FYB1: variants seen among roughly 807,000 people sequenced by gnomAD.
FYB1 encodes FYN-binding protein 1.
In FYB1, 41 loss-of-function variants were observed where a neutral mutation model predicts 94.1. The observed-to-expected ratio is 0.44, with a 90% CI of 0.34 to 0.57. The LOEUF is 0.57. FYB1 is among the 20% of genes least tolerant of loss of function. FYB1 has a pLI of 0.02. For synonymous variants in FYB1, 367 were observed against 353.2 expected (o/e 1.04, Z -0.44); for missense variants, 1,050 against 976.8 (o/e 1.07, Z -1.00).
intron 2 of FYB1, among the ~76,000 whole-genome samples, chr5:39,154,838 C>A (rs6882511): frequency 6.6e-5 from 10 of 152,060 alleles, no homozygotes; most frequent in East Asian, 1.9e-4. Context: ...GTAATCCACC[C>A]GCCTTGTCCT....
intron 2 of FYB1, among the ~76,000 whole-genome samples, chr5:39,195,850 A>G (rs899082382): frequency 6.6e-6 from 1 of 152,224 alleles, no homozygotes; most frequent in Non-Finnish European, 1.5e-5. Flanking sequence ...CAGGACCCAA[A>G]AGGAAGCAAA....
chr5:39,183,147 C>T (rs1430956230), intron 2 of FYB1, among the ~76,000 whole-genome samples: 2 of 151,906 alleles, frequency 1.3e-5, no homozygotes, highest in Non-Finnish European at 2.9e-5. Context: ...CTCAGCCTCC[C>T]GAGTAGTTTT....
intron 2 of FYB1, among the ~76,000 whole-genome samples, chr5:39,187,943 G>T (rs1051082833): frequency 1.3e-5 from 2 of 152,052 alleles, no homozygotes; most frequent in Admixed American, 6.6e-5. Context: ...ACAAAGACAT[G>T]AAAATGAAAG....
At chr5:39,150,111 C>T (rs1743108263) in intron 3 of FYB1, among the ~76,000 whole-genome samples, 1 of 152,066 alleles carries the variant, frequency 6.6e-6, no homozygotes, top group Non-Finnish European at 1.5e-5. Context: ...GACTAAATTC[C>T]CGCACTGGGC....
intron 2 of FYB1, among the ~76,000 whole-genome samples, chr5:39,191,475 TG>T (rs900111410): frequency 4.6e-5 from 7 of 152,224 alleles, no homozygotes. Flanking sequence ...GTATGGTTTT[TG>T]GTTTCGATTT....
rs375898126 is a variant in FYB1 at position 39,110,397 on chromosome 5, G to C, written c.2402-8C>G. The C allele has an allele frequency of 6.3e-6, 10 of 1,577,400 alleles. No homozygotes were observed. Among genetic ancestry groups the C allele is most frequent in the Non-Finnish European group, 7.8e-6 (9 of 1,155,812 alleles). ...TCCGAAGGACATAACCATCTACGAA[G>C]GAAAAAGGAAATAAATTGTATCAAT... is the stretch of plus-strand genomic sequence containing the variant. On this transcript the variant is annotated splice_polypyrimidine_tract_variant and splice_region_variant and intron_variant, in intron 16 of 18. Transcript: ENST00000512982.
chr5:39,147,782 G>A (rs796634966), intron 3 of FYB1, among the ~76,000 whole-genome samples: 6 of 144,710 alleles, frequency 4.1e-5, no homozygotes, highest in African/African-American at 1.3e-4. Flanking sequence ...CCAGGTTCAC[G>A]CCATTCTCCT....
At chr5:39,126,436 C>T (rs576191433) in intron 11 of FYB1, among the ~76,000 whole-genome samples, 2 of 152,086 alleles carry the variant, frequency 1.3e-5, no homozygotes, top group South Asian at 2.1e-4. Flanking sequence ...TGGCTCACCC[C>T]TGTGATCCTG....
chr5:39,114,340 C>T (rs748531137), intron 16 of FYB1, among the ~76,000 whole-genome samples: 1 of 152,120 alleles, frequency 6.6e-6, no homozygotes, highest in Non-Finnish European at 1.5e-5. Context: ...AACGCCTACA[C>T]AGTAGGAACT....
intron 1 of FYB1, among the ~76,000 whole-genome samples, chr5:39,239,378 G>T (rs1751107589): frequency 6.6e-6 from 1 of 152,152 alleles, no homozygotes; most frequent in Non-Finnish European, 1.5e-5. Flanking sequence ...AACTATCTCT[G>T]TTTGCAGATG....
chr5:39,159,649 A>G (rs1188103105), intron 2 of FYB1, among the ~76,000 whole-genome samples: 1 of 152,286 alleles, frequency 6.6e-6, no homozygotes, highest in Non-Finnish European at 1.5e-5. Flanking sequence ...CTTGCCCTGC[A>G]TTCTAACTGA....
intron 2 of FYB1, 131 bp from the exon 3 acceptor site, chr5:39,153,735 A>G (rs1242908319): frequency 4.1e-6 from 3 of 739,370 alleles, no homozygotes; most frequent in Non-Finnish European, 6.6e-6. Flanking sequence ...GGAATTTTCA[A>G]TAAAGAGTAT....
At position 39,188,824 on chromosome 5, in the gene FYB1, C is replaced by A. The variant is rs140214498; in HGVS notation, c.1135+13002G>T. ...TTGGGACTACTAGCGTGAGCCACTG[C>A]GCCCGTCTGACTACAGTACTTTTTA... On this transcript the variant is annotated intron_variant, in intron 2 of 18. Transcript: ENST00000512982. 1.4e-3 allele frequency among the ~76,000 whole-genome samples: 219 copies of A among 152,218 alleles called. 1 individual carries two copies. The highest frequency in any genetic ancestry group is 4.9e-3 in the African/African-American group (205 of 41,514).
chr5:39,107,533 G>T, intron 18 of FYB1, 68 bp from the exon 19 acceptor site: 1 of 1,110,212 alleles, frequency 9.0e-7, no homozygotes, highest in Admixed American at 2.3e-5. Context: ...TCCAAGTTTG[G>T]AAATGTGGGT....
intron 1 of FYB1, among the ~76,000 whole-genome samples, chr5:39,238,543 T>G (rs1751067952): frequency 6.6e-6 from 1 of 151,958 alleles, no homozygotes; most frequent in Admixed American, 6.6e-5. Flanking sequence ...AGAGCAGCTG[T>G]CATGTGAGAA....
intron 1 of FYB1, among the ~76,000 whole-genome samples, chr5:39,211,945 A>T (rs1054350609): frequency 6.6e-6 from 1 of 152,146 alleles, no homozygotes; most frequent in Non-Finnish European, 1.5e-5. Context: ...CTTCCTTCCC[A>T]GCATGTGAAA....
At chr5:39,187,915 T>C (rs1746992556) in intron 2 of FYB1, among the ~76,000 whole-genome samples, 1 of 151,644 alleles carries the variant, frequency 6.6e-6, no homozygotes, top group Non-Finnish European at 1.5e-5. Flanking sequence ...CTCAAGCCAA[T>C]GCAGGGCAGA....
At chr5:39,254,304 T>A (rs1751848397) in intron 1 of FYB1, among the ~76,000 whole-genome samples, 1 of 152,170 alleles carries the variant, frequency 6.6e-6, no homozygotes, top group Admixed American at 6.5e-5. Flanking sequence ...TAATTTACAC[T>A]CCCATCAAAG....
intron 2 of FYB1, among the ~76,000 whole-genome samples, chr5:39,197,278 A>AT (rs1438721273): frequency 6.6e-6 from 1 of 152,140 alleles, no homozygotes; most frequent in Non-Finnish European, 1.5e-5. Flanking sequence ...ATAGAATCTC[A>AT]TTTTTTCTAA....
Sources: gnomAD v4.1 joint callset for allele counts (sites outside exome capture counted in the v4.1 genomes callset) on GRCh38, gnomAD v4.1.1 for gene constraint, MANE v1.5 for transcripts, NCBI Gene and HGNC (gene_info 2026-07-23, HGNC 2026-07-21) for gene names.